MSH3: variants seen among roughly 807,000 people sequenced by gnomAD.
MSH3 encodes the protein DNA mismatch repair protein Msh3.
In MSH3, 106 loss-of-function variants were observed where a neutral mutation model predicts 123.3. The observed-to-expected ratio is 0.86, with a 90% confidence interval of 0.73 to 1.01. The LOEUF (loss-of-function observed/expected upper bound fraction) is 1.01, where lower values mean the gene tolerates loss of function less well. MSH3 is among the 50% of genes least tolerant of loss of function. The probability of loss-of-function intolerance (pLI) is 0.00; values close to 1 mark genes in which losing one functional copy is unlikely to be tolerated. For synonymous variants in MSH3, 515 were observed against 481.4 expected (o/e 1.07, Z -0.91); for missense variants, 1,459 against 1,347.6 (o/e 1.08, Z -1.29).
intron 19 of MSH3, among the ~76,000 whole-genome samples, chr5:80,796,882 C>T (rs1744707641): frequency 6.6e-6 from 1 of 152,176 alleles, no homozygotes; most frequent in Non-Finnish European, 1.5e-5. Context: ...GGATTCTCTA[C>T]TCTGCAGCCA....
intron 8 of MSH3, among the ~76,000 whole-genome samples, chr5:80,718,650 T>G (rs532857075): frequency 9.0e-5 from 13 of 143,690 alleles, no homozygotes; most frequent in African/African-American, 1.3e-4. Flanking sequence ...AAAATTCAGG[T>G]TTTTTTTTTT....
chr5:80,663,813 T>C (rs1046126011), intron 2 of MSH3, among the ~76,000 whole-genome samples: 37 of 152,064 alleles, frequency 2.4e-4, no homozygotes, highest in African/African-American at 8.7e-4. Context: ...CAGAGATTTA[T>C]TGGAAACAAA....
chr5:80,693,532 T>TAAATATACATGCACATGTATGTGTTTAG (rs1750387585), intron 8 of MSH3, among the ~76,000 whole-genome samples: 1 of 117,972 alleles, frequency 8.5e-6, no homozygotes, highest in Non-Finnish European at 1.8e-5. Context: ...TATATGTTTA[T>TAAATATACATGCACATGTATGTGTTTAG]ATAAATATAT....
chr5:80,808,873 A>ATCTATATATATATCTATATATATATATC (rs1554074172), intron 19 of MSH3, among the ~76,000 whole-genome samples: 4 of 137,044 alleles, frequency 2.9e-5, no homozygotes, highest in Non-Finnish European at 4.7e-5. Flanking sequence ...ATATATATAT[A>ATCTATATATATATCTATATATATATATC]TATATATATA....
intron 8 of MSH3, among the ~76,000 whole-genome samples, chr5:80,711,664 C>G (rs1750861917): frequency 2.0e-5 from 3 of 151,124 alleles, no homozygotes; most frequent in Non-Finnish European, 4.4e-5. Flanking sequence ...TCTTTTTTTT[C>G]TTTTTTTTGA....
rs778804919 is a variant in MSH3 at position 80,728,970 on chromosome 5, G to A, written c.1568+5G>A. ...AAAGATGCTCTCCAAACCTGAGTAA[G>A]TGATTCCTCCAAAATTAAAAAAAGG... On this transcript the variant is annotated splice_donor_5th_base_variant and intron_variant, in intron 10 of 23. Transcript: ENST00000265081. 5.4e-6 allele frequency: 8 copies of A among 1,475,902 alleles called. No individual in the cohort carries two copies. The highest frequency in any genetic ancestry group is 1.7e-4 in the Middle Eastern group (1 of 5,770). 91.4% of individuals were successfully genotyped at this position (1,475,902 alleles called of 1,614,324 possible).
rs761912573 is a variant in MSH3, at chr5:80,654,737, C to T, written c.10C>T (p.Arg4Trp). Residue 4 changes from arginine to tryptophan, a missense_variant, in exon 1 of 24, where the codon CGG becomes TGG. Arg to Trp is a moderately radical substitution (Grantham distance 101). Transcript: ENST00000265081. MSRRKPASGGLAAS... is the reference protein window; with the variant it reads MSRWKPASGGLAAS... The stretch of plus-strand genomic sequence containing the variant: ...CCATCCTTGCCCTGCCATGTCTCGC[C>T]GGAAGCCTGCGTCGGGCGGCCTCGC... 2.5e-6 allele frequency: 4 copies of T among 1,600,992 alleles called. No homozygotes were observed. The highest frequency in any genetic ancestry group is 3.4e-6 in the Non-Finnish European group (4 of 1,175,564).
Position 80,859,120 on chromosome 5 carries a change from C to CAT in MSH3, c.3000+4819_3000+4820dup, listed in dbSNP as rs144835329. Among the ~76,000 whole-genome samples, 654 of 149,644 alleles carry CAT rather than the reference C, an allele frequency of 4.4e-3. 5 individuals are homozygous for CAT. The highest frequency in any genetic ancestry group is 0.014 in the African/African-American group (557 of 40,922). On this transcript the variant is annotated intron_variant, in intron 21 of 23. Transcript: ENST00000265081. ...AATGTTAACATGATGTATCTTCCTC[C>CAT]ATATATATATATATATTTTAGATAG...
At chr5:80,786,294 G>C (rs1472734940) in intron 17 of MSH3, among the ~76,000 whole-genome samples, 1 of 152,192 alleles carries the variant, frequency 6.6e-6, no homozygotes, top group Non-Finnish European at 1.5e-5. Context: ...AGCACAGTTT[G>C]AGTCTAGGCT....
chr5:80,777,644 G>A (rs1744328817), intron 16 of MSH3, among the ~76,000 whole-genome samples: 1 of 152,184 alleles, frequency 6.6e-6, no homozygotes, highest in Admixed American at 6.5e-5. Context: ...GTTAGGGAAA[G>A]GTTCATTGCA....
chr5:80,663,817 A>T (rs907727453), intron 2 of MSH3, among the ~76,000 whole-genome samples: 7 of 152,182 alleles, frequency 4.6e-5, no homozygotes, highest in Non-Finnish European at 8.8e-5. Context: ...GATTTATTGG[A>T]AACAAAAAGT....
intron 7 of MSH3, among the ~76,000 whole-genome samples, chr5:80,675,369 AT>A (rs1468093782): frequency 6.6e-6 from 1 of 152,140 alleles, no homozygotes; most frequent in Non-Finnish European, 1.5e-5. Flanking sequence ...AGACTGGGTA[AT>A]TTATAAAGAA....
chr5:80,832,022 A>C (rs955382240), intron 20 of MSH3, among the ~76,000 whole-genome samples: 3 of 152,052 alleles, frequency 2.0e-5, no homozygotes, highest in South Asian at 2.1e-4. Flanking sequence ...AGGCAGGAGA[A>C]TGGCGTGAAC....
Position 80,725,530 on chromosome 5 carries a change from C to T in MSH3, c.1418C>T (p.Thr473Ile), listed in dbSNP as rs755255100. 2 of 1,613,838 alleles carry T rather than the reference C, an allele frequency of 1.2e-6. No homozygotes were observed. The highest frequency in any genetic ancestry group is 1.7e-6 in the Non-Finnish European group (2 of 1,179,846). Residue 473 changes from threonine to isoleucine, a missense_variant, in exon 9 of 24, where the codon ACA (threonine) becomes ATA (isoleucine). Coordinates refer to ENST00000265081, the MANE Select transcript of MSH3 (RefSeq NM_002439.5). ...TACAGCCATGCTTTCCAGGCAGTTA[C>T]AGAGTTTTATGCAAAAGATACAGTT... Reference protein sequence around the residue: ...FEYSHAFQAVTEFYAKDTVDI... With the variant: ...FEYSHAFQAVIEFYAKDTVDI...
At chr5:80,731,088 G>GA (rs1189128103) in intron 10 of MSH3, among the ~76,000 whole-genome samples, 1 of 151,536 alleles carries the variant, frequency 6.6e-6, no homozygotes. Context: ...ATTTTTAGTA[G>GA]AGACAGGGTT....
At chr5:80,829,936 C>T (rs1265926952) in intron 20 of MSH3, among the ~76,000 whole-genome samples, 3 of 152,010 alleles carry the variant, frequency 2.0e-5, no homozygotes, top group Middle Eastern at 6.8e-3. Context: ...TCAGATTGTC[C>T]CTGTCTTTTT....
intron 20 of MSH3, among the ~76,000 whole-genome samples, chr5:80,840,196 G>T (rs1745595327): frequency 6.6e-6 from 1 of 152,036 alleles, no homozygotes; most frequent in African/African-American, 2.4e-5. Flanking sequence ...ATGCATTATT[G>T]TGATCACATG....
intron 19 of MSH3, among the ~76,000 whole-genome samples, chr5:80,810,193 A>ATATG (rs1359744294): frequency 6.8e-6 from 1 of 147,942 alleles, no homozygotes; most frequent in African/African-American, 2.5e-5. Context: ...ATATATATAT[A>ATATG]TAAACTAGTA....
chr5:80,830,866 T>C (rs1169176944), intron 20 of MSH3, among the ~76,000 whole-genome samples: 1 of 152,240 alleles, frequency 6.6e-6, no homozygotes, highest in Non-Finnish European at 1.5e-5. Flanking sequence ...AATTGAAAGA[T>C]TGCTACAGTG....
Sources: gnomAD v4.1 joint callset for allele counts (sites outside exome capture counted in the v4.1 genomes callset) on GRCh38, gnomAD v4.1.1 for gene constraint, MANE v1.5 for transcripts, NCBI Gene and HGNC (gene_info 2026-07-23, HGNC 2026-07-21) for gene names.